Variants in GLT6D1 observed in about 807,000 individuals in gnomAD.
GLT6D1 encodes the protein putative glycosyltransferase 6 domain-containing protein 1.
In GLT6D1, 9 loss-of-function variants were observed where a neutral mutation model predicts 12.3. The observed-to-expected ratio is 0.73, with a 90% CI of 0.44 to 1.27. GLT6D1 has a LOEUF of 1.27. GLT6D1 is among the 50% of genes most tolerant of loss of function. The pLI is 0.00. For synonymous variants in GLT6D1, 128 were observed against 132.3 expected, an observed-to-expected ratio of 0.97 and a Z score of 0.23; for missense variants, 335 against 346.2, an observed-to-expected ratio of 0.97 and a Z score of 0.26.
At chr9:135,631,395 T>TTG (rs776839939) in intron 3 of GLT6D1, 36 bp downstream of exon 3, 2 of 1,514,926 alleles carry the variant, frequency 1.3e-6, no homozygotes, top group East Asian at 4.5e-5. Flanking sequence ...AGTATATTGT[T>TTG]TGTGTGTGCA....
At chr9:135,639,056 T>G (rs1018124835) in intron 2 of GLT6D1, 61 bp downstream of exon 2, 1 of 917,888 alleles carries the variant, frequency 1.1e-6, no homozygotes, top group African/African-American at 1.7e-5. Flanking sequence ...TTAATTTAAT[T>G]AAATTAAAAC....
intron 3 of GLT6D1, 32 bp from the exon 4 acceptor site, chr9:135,626,238 T>C: frequency 6.2e-7 from 1 of 1,609,430 alleles, no homozygotes; most frequent in East Asian, 2.2e-5. Flanking sequence ...AAACAGGGAG[T>C]GCTTTACTGA....
At chr9:135,636,500 T>TCGAA (rs1331640728) in intron 2 of GLT6D1, among the ~76,000 whole-genome samples, 2 of 152,218 alleles carry the variant, frequency 1.3e-5, no homozygotes, top group Non-Finnish European at 2.9e-5. Context: ...CTAGGATACC[T>TCGAA]CGAACCTCCT....
intron 2 of GLT6D1, among the ~76,000 whole-genome samples, chr9:135,637,079 C>T (rs140286943): frequency 1.8e-4 from 28 of 151,876 alleles, no homozygotes; most frequent in East Asian, 3.9e-4. Flanking sequence ...CTCGAACTCC[C>T]GGCCTCAGGT....
At chr9:135,628,069 A>G (rs886825551) in intron 3 of GLT6D1, among the ~76,000 whole-genome samples, 7 of 152,152 alleles carry the variant, frequency 4.6e-5, no homozygotes, top group African/African-American at 1.4e-4. Context: ...AATTATTTAT[A>G]TATTCTGGAT....
chr9:135,631,292 T>C (rs1833640855), intron 3 of GLT6D1, 139 bp downstream of exon 3: 1 of 714,240 alleles, frequency 1.4e-6, no homozygotes, highest in South Asian at 1.6e-5. Flanking sequence ...GGTTTGTTTA[T>C]AAGAGCCTCG....
rs1004497767 is a variant in GLT6D1, at chr9:135,639,406, C to T, written c.-120G>A. On this transcript the variant is annotated 5_prime_UTR_variant, in exon 1 of 5. It adds an upstream start codon to the 5' untranslated region. Transcript: ENST00000371763. ...GACTGTTCCCCGTGGGTCAGCTGCA[C>T]GTGCACTGTCTCTCCCCGTGTTCAC... 9.0e-6 allele frequency: 4 copies of T among 443,824 alleles called. No individual in the cohort carries two copies. Among genetic ancestry groups the T allele is most frequent in the African/African-American group, 4.0e-5 (2 of 49,590 alleles). The allele number at this position is 443,824 out of a possible 1,614,324, so 27.5% of individuals were successfully genotyped here.
rs551687226 is a variant in GLT6D1 at position 135,624,378 on chromosome 9, C to A, written c.550G>T (p.Val184Leu). Residue 184 changes from valine (V) to leucine (L), a missense_variant, in exon 5 of 5, where the codon GTG becomes TTG. Transcript: ENST00000371763. ...GCCACCAACGGGCCCAGGGTCTCCA[C>A]CCCGAACTCATTCTGGAAGACCTGG... ...ANQVFQNEFG[V>L]ETLGPLVAQL... 9 of 1,614,122 alleles carry A rather than the reference C, an allele frequency of 5.6e-6. No individual in the cohort carries two copies. In the East Asian group the frequency reaches 1.3e-4, roughly 24 times the overall value.
chr9:135,639,929 C>T (rs1234399515), upstream of GLT6D1, among the ~76,000 whole-genome samples: 4 of 151,668 alleles, frequency 2.6e-5, no homozygotes, highest in Admixed American at 6.6e-5. Context: ...CTGCAACCTC[C>T]GCCTCCTGGG....
chr9:135,624,579 C>G lies in GLT6D1; in HGVS notation c.349G>C (p.Ala117Pro), dbSNP rs192109365. The part of the protein sequence containing the change: ...YRVIFYIMVD[A>P]FFKLPDIEPS... ...TCTATGTCAGGCAGCTTGAAGAAGG[C>G]GTCCACCATGATGTAGAAGATCACT... Residue 117 changes from alanine (A) to proline (P), a missense_variant, in exon 5 of 5, where the codon GCC (alanine) becomes CCC (proline). Coordinates refer to ENST00000371763, the MANE Select transcript of GLT6D1 (RefSeq NM_182974.3). 2 of 1,613,644 alleles carry G rather than the reference C, an allele frequency of 1.2e-6. No individual in the cohort carries two copies. The highest frequency in any genetic ancestry group is 1.7e-6 in the Non-Finnish European group (2 of 1,179,982).
rs755779235 is a variant in GLT6D1 at position 135,626,170 on chromosome 9, G to A, written c.156C>T (p.Leu52=). The part of the protein sequence containing the change: ...RPDVITKTDW[L]APVLWEGTFD... ...AAGTCCCTTCCCATAGGACAGGAGCGAGCCAGTCTGTTTTCGTTATAACAT... is the reference window on the plus strand; with the variant it reads ...AAGTCCCTTCCCATAGGACAGGAGCAAGCCAGTCTGTTTTCGTTATAACAT... The change falls in exon 4 of 5, where the codon CTC becomes CTT. Residue 52 remains leucine (L), a synonymous_variant. Transcript: ENST00000371763. 7.4e-6 allele frequency: 12 copies of A among 1,613,868 alleles called. No homozygotes were observed. The highest frequency in any genetic ancestry group is 3.3e-5 in the South Asian group (3 of 91,070).
rs1833514440 is a variant in GLT6D1, at chr9:135,626,222, C to A, written c.120-16G>T. ...AGGGCGTTTTCTGTGGAACAAGAAC[C>A]AAGTTAAACAGGGAGTGCTTTACTG... On this transcript the variant is annotated splice_polypyrimidine_tract_variant and intron_variant, in intron 3 of 4. Coordinates refer to ENST00000371763, the MANE Select transcript of GLT6D1 (RefSeq NM_182974.3). 2 of 1,613,096 alleles carry A rather than the reference C, an allele frequency of 1.2e-6. No homozygotes were observed. The highest frequency in any genetic ancestry group is 1.1e-5 in the South Asian group (1 of 90,948).
At chr9:135,625,526 T>C (rs1051391696) in intron 4 of GLT6D1, among the ~76,000 whole-genome samples, 1 of 152,168 alleles carries the variant, frequency 6.6e-6, no homozygotes, top group Admixed American at 6.5e-5. Context: ...AAAAGTTTAG[T>C]CTAAGATAAA....
chr9:135,626,708 G>A (rs1833528733), intron 3 of GLT6D1, among the ~76,000 whole-genome samples: 1 of 151,970 alleles, frequency 6.6e-6, no homozygotes, highest in Non-Finnish European at 1.5e-5. Context: ...AGTTTCTGGG[G>A]ATGCCCTTTT....
At chr9:135,624,724 CTTTTTTT>C (rs72471205) in intron 4 of GLT6D1, 54 bp from the exon 5 acceptor site, 97 of 559,264 alleles carry the variant, frequency 1.7e-4, no homozygotes, top group Middle Eastern at 1.0e-3. Context: ...TCTTTTCTTT[CTTTTTTT>C]TTTTTTTTTT....
intron 2 of GLT6D1, among the ~76,000 whole-genome samples, chr9:135,634,997 G>A (rs1409636482): frequency 6.6e-6 from 1 of 152,236 alleles, no homozygotes; most frequent in Non-Finnish European, 1.5e-5. Context: ...GTCAGGTTCT[G>A]TGTCGTTGGT....
At chr9:135,629,281 G>A (rs1228519854) in intron 3 of GLT6D1, among the ~76,000 whole-genome samples, 2 of 152,156 alleles carry the variant, frequency 1.3e-5, no homozygotes, top group East Asian at 3.9e-4. Context: ...AGTAAGCACT[G>A]TTTTTGCTGC....
upstream of GLT6D1, among the ~76,000 whole-genome samples, chr9:135,640,724 A>G (rs949428106): frequency 3.9e-5 from 6 of 152,266 alleles, no homozygotes; most frequent in South Asian, 1.0e-3. Context: ...CATCTAAAAA[A>G]AAAAAGAAAA....
chr9:135,636,866 T>G (rs761851787), intron 2 of GLT6D1, among the ~76,000 whole-genome samples: 39 of 152,254 alleles, frequency 2.6e-4, no homozygotes, highest in Admixed American at 3.9e-4. Flanking sequence ...TTCTTTTTTT[T>G]GGGGGGATGG....
Sources: gnomAD v4.1 joint callset for allele counts (sites outside exome capture counted in the v4.1 genomes callset) on GRCh38, gnomAD v4.1.1 for gene constraint, MANE v1.5 for transcripts, NCBI Gene and HGNC (gene_info 2026-07-23, HGNC 2026-07-21) for gene names.